Variants in TSHZ2 observed in about 807,000 individuals in gnomAD.
TSHZ2 encodes the protein teashirt homolog 2.
Under a neutral mutation model 74.4 loss-of-function variants are expected in TSHZ2, and 21 were observed. The ratio of observed to expected loss-of-function variants is 0.28; its 90% CI spans 0.20 to 0.41. The LOEUF is 0.41. TSHZ2 is among the 10% of genes least tolerant of loss of function. TSHZ2 has a pLI of 1.00. For missense variants in TSHZ2, 1,244 were observed against 1,293.5 expected, an observed-to-expected ratio of 0.96 and a Z score of 0.59; for synonymous variants, 540 against 515.3, an observed-to-expected ratio of 1.05 and a Z score of -0.65.
chr20:53,347,463 G>A (rs752053323), intron 2 of TSHZ2, among the ~76,000 whole-genome samples: 6 of 151,904 alleles, frequency 3.9e-5, no homozygotes, highest in Admixed American at 6.6e-5. Context: ...CCAGCTAGAC[G>A]TTGTCCAATG....
intron 1 of TSHZ2, among the ~76,000 whole-genome samples, chr20:53,041,195 T>C (rs1228951345): frequency 6.6e-6 from 1 of 152,192 alleles, no homozygotes; most frequent in African/African-American, 2.4e-5. Context: ...GGCCCATGTC[T>C]CCAAAAGGCC....
At chr20:53,391,335 C>T (rs761453828) in intron 2 of TSHZ2, among the ~76,000 whole-genome samples, 1 of 152,022 alleles carries the variant, frequency 6.6e-6, no homozygotes, top group Admixed American at 6.6e-5. Flanking sequence ...TTAATAGAGA[C>T]GGGGTTTCAC....
At chr20:53,222,557 G>A (rs946024334) in intron 1 of TSHZ2, among the ~76,000 whole-genome samples, 5 of 152,186 alleles carry the variant, frequency 3.3e-5, no homozygotes, top group South Asian at 2.1e-4. Context: ...GCAAAAATGC[G>A]TTCAGGTTAA....
chr20:53,081,276 G>C (rs922957464), intron 1 of TSHZ2, among the ~76,000 whole-genome samples: 1 of 152,108 alleles, frequency 6.6e-6, no homozygotes, highest in Non-Finnish European at 1.5e-5. Flanking sequence ...AAGTGATCCT[G>C]CCTCAAACTC....
intron 1 of TSHZ2, among the ~76,000 whole-genome samples, chr20:53,114,108 AAAAG>A (rs904881217): frequency 1.2e-4 from 18 of 148,740 alleles, no homozygotes; most frequent in Admixed American, 6.0e-4. Flanking sequence ...GAAAAAAAAA[AAAAG>A]AAAGAAAAAA....
chr20:53,103,983 T>C (rs1202506717), intron 1 of TSHZ2, among the ~76,000 whole-genome samples: 1 of 152,172 alleles, frequency 6.6e-6, no homozygotes, highest in Non-Finnish European at 1.5e-5. Context: ...TTTAATGACT[T>C]CAGTGATAAT....
At chr20:53,089,952 A>G (rs973461877) in intron 1 of TSHZ2, among the ~76,000 whole-genome samples, 2 of 152,368 alleles carry the variant, frequency 1.3e-5, no homozygotes, top group South Asian at 2.1e-4. Context: ...AAGTCCCACA[A>G]TAGGCCATCT....
At chr20:53,336,443 C>T (rs1979950578) in intron 2 of TSHZ2, among the ~76,000 whole-genome samples, 1 of 152,184 alleles carries the variant, frequency 6.6e-6, no homozygotes, top group Non-Finnish European at 1.5e-5. Context: ...TTATTTAGGA[C>T]CCTTTCCATG....
chr20:53,296,403 A>T (rs1023494810), intron 2 of TSHZ2, among the ~76,000 whole-genome samples: 1 of 152,212 alleles, frequency 6.6e-6, no homozygotes, highest in African/African-American at 2.4e-5. Flanking sequence ...AACATTCAAT[A>T]TGCTGGCAAT....
At chr20:53,456,566 A>G (rs559767766) in intron 2 of TSHZ2, among the ~76,000 whole-genome samples, 2 of 109,886 alleles carry the variant, frequency 1.8e-5, no homozygotes, top group Non-Finnish European at 3.6e-5. Flanking sequence ...GTTTAATTAG[A>G]TCCCATTTGT....
At chr20:53,189,373 G>C (rs1322737166) in intron 1 of TSHZ2, among the ~76,000 whole-genome samples, 1 of 152,170 alleles carries the variant, frequency 6.6e-6, no homozygotes, top group Non-Finnish European at 1.5e-5. Context: ...GGGAATCTCT[G>C]TTCAGCTCTG....
At chr20:53,274,844 T>C (rs1259682554) in intron 2 of TSHZ2, among the ~76,000 whole-genome samples, 1 of 152,194 alleles carries the variant, frequency 6.6e-6, no homozygotes, top group Admixed American at 6.5e-5. Context: ...TCCCTAGAGA[T>C]GGGCACGTTG....
intron 2 of TSHZ2, among the ~76,000 whole-genome samples, chr20:53,307,105 G>A (rs1568861396): frequency 6.6e-6 from 1 of 151,934 alleles, no homozygotes. Context: ...TGAACAAAGT[G>A]AGGCTGAGTG....
intron 1 of TSHZ2, among the ~76,000 whole-genome samples, chr20:53,175,133 T>TC (rs1988301456): frequency 2.8e-5 from 2 of 71,068 alleles, no homozygotes; most frequent in Non-Finnish European, 6.0e-5. Flanking sequence ...TCTTCTTTCT[T>TC]TTTTTTTTTT....
At position 53,256,278 on chromosome 20, in the gene TSHZ2, C is replaced by T. The variant is rs6123267; in HGVS notation, c.2820C>T (p.Thr940=). 1 of 1,614,152 alleles carries T rather than the reference C, an allele frequency of 6.2e-7. No individual in the cohort carries two copies. Among genetic ancestry groups the T allele is most frequent in the Non-Finnish European group, 8.5e-7 (1 of 1,179,998 alleles). ...DCASQFRTPS[T]YISHLESHLG... is the part of the protein sequence containing the mutation. Reference sequence around the variant, plus strand: ...CCTCCCAGTTCAGAACCCCTTCTACCTACATCAGTCACTTAGAATCTCACC... The same window carrying T: ...CCTCCCAGTTCAGAACCCCTTCTACTTACATCAGTCACTTAGAATCTCACC... The change falls in exon 2 of 3, where the codon ACC becomes ACT. Residue 940 remains threonine (T), a synonymous_variant. Transcript: ENST00000371497. The surrounding 1 kb of genome is among the most constrained non-coding windows in gnomAD (Gnocchi z 4.3).
intron 2 of TSHZ2, among the ~76,000 whole-genome samples, chr20:53,449,175 TGG>T (rs1984674530): frequency 6.6e-6 from 1 of 152,150 alleles, no homozygotes; most frequent in Non-Finnish European, 1.5e-5. Flanking sequence ...TCTTAACCCC[TGG>T]AAGGTATGAT....
intron 1 of TSHZ2, among the ~76,000 whole-genome samples, chr20:53,073,003 C>G (rs6068447): frequency 0.072 from 10,614 of 147,846 alleles, 356 homozygotes; most frequent in Non-Finnish European, 0.082. Flanking sequence ...CCATCCCTCC[C>G]TCCATCCATC....
intron 2 of TSHZ2, chr20:53,421,629 G>T: frequency 5.2e-6 from 1 of 192,830 alleles, no homozygotes; most frequent in South Asian, 1.1e-4. Flanking sequence ...CCAGCAAGAA[G>T]ATTGCCATTG....
intron 2 of TSHZ2, among the ~76,000 whole-genome samples, chr20:53,350,702 A>G (rs972825237): frequency 2.0e-5 from 3 of 152,178 alleles, no homozygotes; most frequent in Non-Finnish European, 4.4e-5. Flanking sequence ...TACAGGATTG[A>G]TATTGAGAGC....
Sources: gnomAD v4.1 joint callset for allele counts (sites outside exome capture counted in the v4.1 genomes callset) on GRCh38, gnomAD v4.1.1 for gene constraint, Gnocchi (gnomAD v3.1) non-coding constraint, MANE v1.5 for transcripts, NCBI Gene and HGNC (gene_info 2026-07-23, HGNC 2026-07-21) for gene names.